KCNH5: variants seen among roughly 807,000 people sequenced by gnomAD.
KCNH5 encodes potassium voltage-gated channel subfamily H member 5.
A neutral mutation model predicts 96.1 loss-of-function variants in KCNH5; 46 were observed. That is an observed-to-expected ratio of 0.48 (90% CI 0.38 to 0.61). KCNH5 has a LOEUF of 0.61. Ranked by LOEUF, KCNH5 falls within the 20% of genes least tolerant of loss-of-function variation. KCNH5 has a pLI of 0.00. For synonymous variants in KCNH5, 439 were observed against 449.8 expected, an observed-to-expected ratio of 0.98 and a Z score of 0.30; for missense variants, 907 against 1,225.8, an observed-to-expected ratio of 0.74 and a Z score of 3.88.
At chr14:62,931,025 C>T (rs1420949216) in intron 7 of KCNH5, among the ~76,000 whole-genome samples, 1 of 152,054 alleles carries the variant, frequency 6.6e-6, no homozygotes, top group African/African-American at 2.4e-5. Flanking sequence ...GAGAGAGATA[C>T]CTGCCGGAGA....
intron 7 of KCNH5, among the ~76,000 whole-genome samples, chr14:62,850,457 C>T (rs536934246): frequency 7.2e-5 from 11 of 152,066 alleles, no homozygotes; most frequent in Non-Finnish European, 1.2e-4. Flanking sequence ...TTGGCAATGC[C>T]GAGAAATTCC....
At chr14:63,003,624 A>ATATATATTTTTTT (rs1491457497) in intron 3 of KCNH5, among the ~76,000 whole-genome samples, 18 of 92,782 alleles carry the variant, frequency 1.9e-4, no homozygotes, top group African/African-American at 8.5e-4. Flanking sequence ...ATATATATAT[A>ATATATATTTTTTT]TTTTTTTTTT....
chr14:62,718,889 A>G (rs751470647), intron 10 of KCNH5, among the ~76,000 whole-genome samples: 1 of 152,236 alleles, frequency 6.6e-6, no homozygotes, highest in Non-Finnish European at 1.5e-5. Context: ...GAAATACAGT[A>G]TAGACACATA....
intron 10 of KCNH5, among the ~76,000 whole-genome samples, chr14:62,733,248 C>CCTAATCCTCA (rs1207018779): frequency 2.6e-5 from 4 of 151,998 alleles, no homozygotes; most frequent in African/African-American, 9.7e-5. Flanking sequence ...ATGTTGAAAC[C>CCTAATCCTCA]CTAATCCTCA....
intron 4 of KCNH5, among the ~76,000 whole-genome samples, chr14:62,994,505 T>C (rs1890870711): frequency 6.6e-6 from 1 of 152,078 alleles, no homozygotes; most frequent in Non-Finnish European, 1.5e-5. Flanking sequence ...TACCACTGAC[T>C]GATTACCTGA....
chr14:62,710,081 T>C (rs1304322431), intron 10 of KCNH5, among the ~76,000 whole-genome samples: 2 of 152,226 alleles, frequency 1.3e-5, no homozygotes, highest in African/African-American at 4.8e-5. Context: ...ATCTTTTGAA[T>C]ATTCAGCAGC....
At chr14:63,039,716 T>A (rs1891786853) in intron 1 of KCNH5, among the ~76,000 whole-genome samples, 1 of 152,158 alleles carries the variant, frequency 6.6e-6, no homozygotes, top group Admixed American at 6.6e-5. Flanking sequence ...AGTATCACTT[T>A]CGTGTAGTTA....
At chr14:62,746,220 A>G (rs1168254773) in intron 10 of KCNH5, among the ~76,000 whole-genome samples, 5 of 152,236 alleles carry the variant, frequency 3.3e-5, no homozygotes, top group Non-Finnish European at 7.3e-5. Context: ...TTTATGTTAG[A>G]GGAATATAAA....
chr14:62,912,558 C>CA (rs1342274567), intron 7 of KCNH5, among the ~76,000 whole-genome samples: 1 of 152,048 alleles, frequency 6.6e-6, no homozygotes, highest in Non-Finnish European at 1.5e-5. Flanking sequence ...AGGTGCCCGC[C>CA]ACCACACCCA....
At chr14:62,906,007 A>G (rs1369074241) in intron 7 of KCNH5, among the ~76,000 whole-genome samples, 1 of 152,228 alleles carries the variant, frequency 6.6e-6, no homozygotes, top group Non-Finnish European at 1.5e-5. Context: ...AAAAGGTAGC[A>G]CATCTAAGGT....
chr14:62,731,039 A>G (rs1428009606), intron 10 of KCNH5, among the ~76,000 whole-genome samples: 3 of 152,170 alleles, frequency 2.0e-5, no homozygotes, highest in African/African-American at 7.2e-5. Flanking sequence ...AGTGGCTTAC[A>G]CCTGTAATCC....
intron 7 of KCNH5, among the ~76,000 whole-genome samples, chr14:62,880,146 C>T (rs1030805555): frequency 1.4e-4 from 22 of 152,212 alleles, no homozygotes; most frequent in African/African-American, 5.1e-4. Flanking sequence ...CCTACTTATG[C>T]GTTCATAGTC....
At chr14:62,972,057 A>G (rs1183157544) in intron 6 of KCNH5, among the ~76,000 whole-genome samples, 2 of 152,172 alleles carry the variant, frequency 1.3e-5, no homozygotes, top group Non-Finnish European at 2.9e-5. Context: ...AGTCAAAAGA[A>G]TGAGAAGACA....
In KCNH5 at chr14:62,699,651, C is replaced by T. The variant is rs1038854511; in HGVS notation, c.*7857G>A. 5.3e-5 allele frequency: 8 copies of T among 152,226 alleles called. No homozygotes were observed. Among genetic ancestry groups the T allele is most frequent in the East Asian group, 1.9e-4 (1 of 5,178 alleles). 9.4% of individuals were successfully genotyped at this position (152,226 alleles called of 1,614,324 possible). A position where few individuals can be genotyped will look rare whatever the true frequency, so the allele number is the denominator to read the frequency against. ...AAAATGACCATTTTTTGAGAACAAA[C>T]GTTAAATAAAGTGATAATCACCACA... On this transcript the variant is annotated 3_prime_UTR_variant, in exon 11 of 11. Coordinates refer to ENST00000322893, the MANE Select transcript of KCNH5 (RefSeq NM_139318.5).
chr14:62,988,842 T>G (rs908059234), intron 4 of KCNH5, among the ~76,000 whole-genome samples: 2 of 152,044 alleles, frequency 1.3e-5, no homozygotes, highest in African/African-American at 2.4e-5. Context: ...CTTTTCTTAC[T>G]ACAGTATTCT....
chr14:62,772,572 G>A (rs1231845963), intron 10 of KCNH5, among the ~76,000 whole-genome samples: 1 of 149,950 alleles, frequency 6.7e-6, no homozygotes, highest in East Asian at 2.0e-4. Flanking sequence ...GGGAGGTGGA[G>A]GTTGCAGTGA....
intron 7 of KCNH5, among the ~76,000 whole-genome samples, chr14:62,906,689 G>T (rs1287581537): frequency 2.0e-5 from 3 of 152,110 alleles, no homozygotes; most frequent in East Asian, 3.9e-4. Flanking sequence ...ACATGTAAGG[G>T]TTATATTGTT....
intron 7 of KCNH5, among the ~76,000 whole-genome samples, chr14:62,905,155 G>A (rs1232426019): frequency 2.6e-5 from 4 of 152,098 alleles, no homozygotes. Flanking sequence ...CAAACAAGTA[G>A]CCCCATCTTC....
Position 62,765,762 on chromosome 14 carries a change from T to C in KCNH5, c.2019+13966A>G, listed in dbSNP as rs534140825. Among the ~76,000 whole-genome samples the C allele has an allele frequency of 2.0e-5, 3 of 151,862 alleles. No individual in the cohort carries two copies. In the South Asian group the frequency reaches 6.2e-4, roughly 32 times the overall value. On this transcript the variant is annotated intron_variant, in intron 10 of 10. Coordinates refer to ENST00000322893, the MANE Select transcript of KCNH5 (RefSeq NM_139318.5). ...TACTACAAGAAAATACTGAGTAAAA[T>C]CTCCAGGGCATTGGTCTGGGCAAAA...
Sources: allele counts gnomAD v4.1 joint callset (sites outside exome capture counted in the v4.1 genomes callset), GRCh38; gene constraint gnomAD v4.1.1; transcripts MANE v1.5; gene names NCBI Gene and HGNC (gene_info 2026-07-23, HGNC 2026-07-21).